The following CAPN6 variants were observed in gnomAD, a reference collection of about 807,000 sequenced individuals.
The protein encoded by CAPN6 is calpain 6, also known as calpain-6.
A neutral mutation model predicts 46.0 loss-of-function variants in CAPN6; 16 were observed. The ratio of observed to expected loss-of-function variants is 0.35; its 90% CI spans 0.24 to 0.53. The LOEUF (loss-of-function observed/expected upper bound fraction) is 0.53, where lower values mean the gene tolerates loss of function less well. CAPN6 is among the 20% of genes least tolerant of loss of function. CAPN6 has a pLI of 0.94. For missense variants in CAPN6, 461 were observed against 498.0 expected, an observed-to-expected ratio of 0.93 and a Z score of 0.71; for synonymous variants, 206 against 172.8, an observed-to-expected ratio of 1.19 and a Z score of -1.51.
intron 2 of CAPN6, among the ~76,000 whole-genome samples, chrX:111,257,545 T>A (rs1369830490): frequency 8.9e-6 from 1 of 112,068 alleles, no homozygotes; most frequent in Admixed American, 9.5e-5. Flanking sequence ...GGGTAAAGGG[T>A]AATAAGCCAA....
chrX:111,248,194 G>A (rs2094976102), intron 10 of CAPN6, among the ~76,000 whole-genome samples: 2 of 111,915 alleles, frequency 1.8e-5, no homozygotes, highest in South Asian at 3.8e-4. Flanking sequence ...ATCAAAGTAG[G>A]CAGGGCTGGG....
Position 111,252,333 on chromosome X carries a change from C to T in CAPN6, c.673G>A (p.Gly225Ser). Reference sequence around the variant, plus strand: ...TCAATGGAACAGCAGATCAGACCACCTTTGGTAAATGTTTTGTACAGTTCT... The same window carrying T: ...TCAATGGAACAGCAGATCAGACCACTTTTGGTAAATGTTTTGTACAGTTCT... ...FGELYKTFTK[G>S]GLICCSIESP... Residue 225 changes from glycine to serine, a missense_variant, in exon 5 of 13, where the codon GGT becomes AGT. Coordinates refer to ENST00000324068, the MANE Select transcript of CAPN6 (RefSeq NM_014289.4). 8.3e-7 allele frequency: 1 copy of T among 1,208,260 alleles called. No homozygotes were observed. Among genetic ancestry groups the T allele is most frequent in the Non-Finnish European group, 1.1e-6 (1 of 893,821 alleles).
At position 111,246,477 on chromosome X, in the gene CAPN6, T is replaced by C. The variant is rs2094974611; in HGVS notation, c.*100A>G. On this transcript the variant is annotated 3_prime_UTR_variant, in exon 13 of 13. Coordinates refer to ENST00000324068, the MANE Select transcript of CAPN6 (RefSeq NM_014289.4). ...GAGAGGAAGAGTTAATTATTGTGAA[T>C]CTCATTCTTTCTAAAGATTGTGAAT... is the stretch of plus-strand genomic sequence containing the variant. The C allele has an allele frequency of 1.4e-6, 1 of 700,952 alleles. No homozygotes were observed. The highest frequency in any genetic ancestry group is 2.2e-6 in the Non-Finnish European group (1 of 458,684). 57.8% of individuals were successfully genotyped at this position (700,952 alleles called of 1,213,427 possible).
Position 111,247,884 on chromosome X carries a change from C to G in CAPN6, c.1593G>C (p.Lys531Asn). Residue 531 changes from lysine (K) to asparagine (N), a missense_variant, in exon 11 of 13, where the codon AAG becomes AAC. Coordinates refer to ENST00000324068, the MANE Select transcript of CAPN6 (RefSeq NM_014289.4). ...TVHSAEDLEK[K>N]YANETVNPYL... is the part of the protein sequence containing the mutation. Reference sequence around the variant, plus strand: ...TGCCATTCTTACTTTCATTGGCATACTTCTTCTCCAGGTCCTCAGCACTGT... The same window carrying G: ...TGCCATTCTTACTTTCATTGGCATAGTTCTTCTCCAGGTCCTCAGCACTGT... The G allele has an allele frequency of 8.3e-7, 1 of 1,210,536 alleles. No individual in the cohort carries two copies. Among genetic ancestry groups the G allele is most frequent in the Non-Finnish European group, 1.1e-6 (1 of 894,836 alleles).
In CAPN6 at chrX:111,263,169, T is replaced by C. The variant is rs17883775; in HGVS notation, c.165+603A>G. Among the ~76,000 whole-genome samples, 3 of 112,248 alleles carry C rather than the reference T, an allele frequency of 2.7e-5. No homozygotes were observed. In the South Asian group the frequency reaches 1.1e-3, roughly 42 times the overall value. On this transcript the variant is annotated intron_variant, in intron 2 of 12. Coordinates refer to ENST00000324068, the MANE Select transcript of CAPN6 (RefSeq NM_014289.4). ...GGTTGGCATATCTCTCTGTTTTTTG[T>C]ACAGAAATATTCATAGCATCTTTAT...
chrX:111,261,584 G>A (rs891635819), intron 2 of CAPN6, among the ~76,000 whole-genome samples: 4 of 112,394 alleles, frequency 3.6e-5, no homozygotes, highest in Non-Finnish European at 5.6e-5. Context: ...GCAAAATGCC[G>A]TGGTTGTTAA....
At chrX:111,262,469 A>C (rs954186876) in intron 2 of CAPN6, among the ~76,000 whole-genome samples, 1 of 111,901 alleles carries the variant, frequency 8.9e-6, no homozygotes, top group Non-Finnish European at 1.9e-5. Context: ...TAGTTGGTAA[A>C]AGGGTTACTT....
rs376192405 is a variant in CAPN6 at position 111,252,217 on chromosome X, C to T, written c.699+90G>A. The T allele has an allele frequency of 3.9e-5, 29 of 743,367 alleles. No individual in the cohort carries two copies. In the African/African-American group the frequency reaches 4.3e-4, roughly 11 times the overall value. The allele number at this position is 743,367 out of a possible 1,213,427, so 61.3% of individuals were successfully genotyped here. A position where few individuals can be genotyped will look rare whatever the true frequency, so the allele number is the denominator to read the frequency against. Reference sequence around the variant, plus strand: ...GTCCCATTAATAGTTTTTCATGGGTCTTCGGGTTAAGGGCGAATTTCCCTA... The same window carrying T: ...GTCCCATTAATAGTTTTTCATGGGTTTTCGGGTTAAGGGCGAATTTCCCTA... On this transcript the variant is annotated intron_variant, in intron 5 of 12. Transcript: ENST00000324068.
intron 2 of CAPN6, among the ~76,000 whole-genome samples, chrX:111,254,947 T>C (rs2094982600): frequency 8.9e-6 from 1 of 111,746 alleles, no homozygotes; most frequent in African/African-American, 3.3e-5. Context: ...GTGGTCTCCA[T>C]AGCAACCAGA....
intron 8 of CAPN6, among the ~76,000 whole-genome samples, chrX:111,249,787 A>G (rs2094977511): frequency 1.9e-5 from 2 of 107,680 alleles, no homozygotes; most frequent in Non-Finnish European, 3.8e-5. Flanking sequence ...ACTGCACTCC[A>G]GCCTGGGCAA....
chrX:111,259,022 C>G (rs975200862), intron 2 of CAPN6, among the ~76,000 whole-genome samples: 1 of 111,413 alleles, frequency 9.0e-6, no homozygotes, highest in African/African-American at 3.3e-5. Flanking sequence ...TGGTTGGCTG[C>G]AGCAGGGGTG....
At chrX:111,254,958 T>G (rs1215655759) in intron 2 of CAPN6, among the ~76,000 whole-genome samples, 1 of 111,570 alleles carries the variant, frequency 9.0e-6, no homozygotes, top group Non-Finnish European at 1.9e-5. Context: ...AGCAACCAGA[T>G]TTTTCTACAT....
chrX:111,262,947 C>G, intron 2 of CAPN6, among the ~76,000 whole-genome samples: 1 of 112,002 alleles, frequency 8.9e-6, no homozygotes, highest in Non-Finnish European at 1.9e-5. Flanking sequence ...AGCAAAGAAG[C>G]CTTCTTGCCC....
At chrX:111,261,447 TCAAA>T (rs749375585) in intron 2 of CAPN6, among the ~76,000 whole-genome samples, 1 of 112,455 alleles carries the variant, frequency 8.9e-6, no homozygotes, top group African/African-American at 3.2e-5. Flanking sequence ...ATAGAAAACT[TCAAA>T]CACAGTATCT....
intron 2 of CAPN6, 56 bp downstream of exon 2, chrX:111,263,716 C>T (rs1176000679): frequency 6.7e-6 from 7 of 1,042,388 alleles, no homozygotes; most frequent in African/African-American, 1.9e-5. Context: ...CAGTGGATCA[C>T]GTAGAAGTAT....
intron 2 of CAPN6, among the ~76,000 whole-genome samples, chrX:111,256,380 C>G (rs1462727691): frequency 9.0e-6 from 1 of 110,691 alleles, no homozygotes; most frequent in Admixed American, 9.6e-5. Flanking sequence ...GCCTGGGCAA[C>G]AAGAGAGAAA....
At chrX:111,250,381 T>G (rs2094978182) in intron 8 of CAPN6, among the ~76,000 whole-genome samples, 1 of 111,170 alleles carries the variant, frequency 9.0e-6, no homozygotes, top group Non-Finnish European at 1.9e-5. Context: ...AGCACTGTAA[T>G]GGGAGATGGA....
intron 2 of CAPN6, among the ~76,000 whole-genome samples, chrX:111,262,186 A>G (rs1001567815): frequency 5.4e-5 from 6 of 112,093 alleles, no homozygotes; most frequent in Non-Finnish European, 1.1e-4. Context: ...CAGCTAAGTG[A>G]TCCGCTGGAA....
At chrX:111,257,446 G>A (rs895025829) in intron 2 of CAPN6, among the ~76,000 whole-genome samples, 6 of 112,004 alleles carry the variant, frequency 5.4e-5, no homozygotes, top group African/African-American at 1.9e-4. Flanking sequence ...TATGAAATAC[G>A]GGAAATAAAT....
Sources: allele counts gnomAD v4.1 joint callset (sites outside exome capture counted in the v4.1 genomes callset), GRCh38; gene constraint gnomAD v4.1.1; transcripts MANE v1.5; gene names NCBI Gene and HGNC (gene_info 2026-07-23, HGNC 2026-07-21).